FGF1: variants seen among roughly 807,000 people sequenced by gnomAD.
FGF1 encodes the protein beta-endothelial cell growth factor.
FGF1 carries 9 observed loss-of-function variants against 13.4 expected under a neutral mutation model. That is an observed-to-expected ratio of 0.67 (90% CI 0.40 to 1.17). The LOEUF is 1.17. Among genes scored for constraint, FGF1 ranks in the 50% most tolerant of loss-of-function variants. The pLI, the probability that FGF1 is intolerant of heterozygous loss-of-function variation, is 0.01. For missense variants in FGF1, 156 were observed against 192.7 expected, an observed-to-expected ratio of 0.81 and a Z score of 1.13; for synonymous variants, 93 against 79.0, an observed-to-expected ratio of 1.18 and a Z score of -0.94.
intron 1 of FGF1, among the ~76,000 whole-genome samples, chr5:142,668,509 G>C (rs1475843322): frequency 6.6e-6 from 1 of 152,136 alleles, no homozygotes; most frequent in African/African-American, 2.4e-5. Context: ...TTATATACAA[G>C]GAACTCACCC....
chr5:142,690,018 T>A (rs1561771038), upstream of FGF1, among the ~76,000 whole-genome samples: 1 of 148,570 alleles, frequency 6.7e-6, no homozygotes, highest in Non-Finnish European at 1.5e-5. Flanking sequence ...CCTAGTTTTT[T>A]AATTTTAAAA....
chr5:142,673,186 A>T (rs1561730191), intron 1 of FGF1, among the ~76,000 whole-genome samples: 1 of 152,166 alleles, frequency 6.6e-6, no homozygotes, highest in Non-Finnish European at 1.5e-5. Flanking sequence ...ATCTAAAGTC[A>T]CCTTTGAGTT....
chr5:142,691,168 C>T (rs1351363860), intron 2 of FGF1, among the ~76,000 whole-genome samples: 1 of 152,130 alleles, frequency 6.6e-6, no homozygotes, highest in Non-Finnish European at 1.5e-5. Flanking sequence ...TGCCTATAAT[C>T]CCAGCACTTT....
intron 2 of FGF1, among the ~76,000 whole-genome samples, chr5:142,605,232 A>G (rs1042428172): frequency 4.0e-5 from 6 of 150,158 alleles, no homozygotes; most frequent in South Asian, 2.1e-4. Flanking sequence ...TCAGCTTCCC[A>G]GGTAGCTGGG....
chr5:142,622,376 A>T (rs564980153), intron 1 of FGF1, among the ~76,000 whole-genome samples: 4 of 152,340 alleles, frequency 2.6e-5, no homozygotes, highest in Non-Finnish European at 5.9e-5. Flanking sequence ...ACATCTTATC[A>T]GACTACCTAA....
upstream of FGF1, among the ~76,000 whole-genome samples, chr5:142,688,362 T>C (rs1751602941): frequency 1.3e-5 from 2 of 152,242 alleles, no homozygotes; most frequent in African/African-American, 4.8e-5. Context: ...TTGAGATTTT[T>C]CCCAGTCTGG....
chr5:142,645,945 G>A (rs1340578402), intron 1 of FGF1, among the ~76,000 whole-genome samples: 1 of 151,988 alleles, frequency 6.6e-6, no homozygotes, highest in African/African-American at 2.4e-5. Flanking sequence ...GTCTTGCTTT[G>A]TCGCCTAGGC....
chr5:142,679,684 C>T (rs1773352408), intron 1 of FGF1, among the ~76,000 whole-genome samples: 1 of 152,176 alleles, frequency 6.6e-6, no homozygotes, highest in African/African-American at 2.4e-5. Context: ...CTTCCTTCCT[C>T]CCTCTTCACT....
intron 1 of FGF1, among the ~76,000 whole-genome samples, chr5:142,632,804 T>C (rs183611135): frequency 1.3e-5 from 2 of 152,362 alleles, no homozygotes; most frequent in Admixed American, 6.5e-5. Context: ...TCATTTGTAA[T>C]GGTTGCACCT....
At chr5:142,679,207 A>G (rs112356143) in intron 1 of FGF1, among the ~76,000 whole-genome samples, 9,596 of 152,106 alleles carry the variant, frequency 0.063, 363 homozygotes, top group South Asian at 0.1. Context: ...TCTCCCCTTC[A>G]TCCCTGCACT....
chr5:142,647,254 T>A (rs969889300), intron 1 of FGF1, among the ~76,000 whole-genome samples: 1 of 152,220 alleles, frequency 6.6e-6, no homozygotes, highest in Non-Finnish European at 1.5e-5. Context: ...AAGACTGAAG[T>A]TAACCACTGG....
intron 1 of FGF1, among the ~76,000 whole-genome samples, chr5:142,632,893 C>G (rs1213736382): frequency 6.6e-6 from 1 of 150,884 alleles, no homozygotes; most frequent in African/African-American, 2.4e-5. Context: ...GTCAACTAAC[C>G]TTTTATTGTT....
At chr5:142,640,658 C>A (rs1765051222) in intron 1 of FGF1, among the ~76,000 whole-genome samples, 1 of 152,050 alleles carries the variant, frequency 6.6e-6, no homozygotes, top group Admixed American at 6.5e-5. Context: ...AGGGGTAGGG[C>A]ACAAGAGTTA....
intron 2 of FGF1, among the ~76,000 whole-genome samples, chr5:142,605,410 C>T (rs569138919): frequency 8.5e-5 from 13 of 152,180 alleles, no homozygotes; most frequent in East Asian, 7.7e-4. Context: ...CATGAGCCAC[C>T]GTGCCCAGCC....
At chr5:142,676,302 T>C (rs1772587117) in intron 1 of FGF1, among the ~76,000 whole-genome samples, 1 of 152,218 alleles carries the variant, frequency 6.6e-6, no homozygotes, top group Admixed American at 6.5e-5. Context: ...GTGCTGTGCA[T>C]TGCGTGCTAA....
At chr5:142,605,419 CCAAT>C (rs919404923) in intron 2 of FGF1, among the ~76,000 whole-genome samples, 5 of 152,132 alleles carry the variant, frequency 3.3e-5, no homozygotes, top group African/African-American at 1.2e-4. Context: ...CCGTGCCCAG[CCAAT>C]CAAAGAAGAT....
chr5:142,600,863 C>T, intron 2 of FGF1, 58 bp from the exon 3 acceptor site: 1 of 1,306,330 alleles, frequency 7.7e-7, no homozygotes, highest in Non-Finnish European at 1.1e-6. Flanking sequence ...GCCGATAGGA[C>T]CCGGCAGCCA....
intron 1 of FGF1, among the ~76,000 whole-genome samples, chr5:142,677,751 G>T (rs1256449444): frequency 6.6e-6 from 1 of 152,114 alleles, no homozygotes; most frequent in Non-Finnish European, 1.5e-5. Context: ...CTACCCTGTG[G>T]CACGGCTCTG....
chr5:142,623,698 G>T (rs1463447982), intron 1 of FGF1, among the ~76,000 whole-genome samples: 4 of 151,502 alleles, frequency 2.6e-5, no homozygotes. Context: ...GATTGAACAA[G>T]CTTGATTTTT....
Sources: allele counts gnomAD v4.1 joint callset (sites outside exome capture counted in the v4.1 genomes callset), GRCh38; gene constraint gnomAD v4.1.1; transcripts MANE v1.5; gene names NCBI Gene and HGNC (gene_info 2026-07-23, HGNC 2026-07-21).